SEMA6C: variants seen among roughly 807,000 people sequenced by gnomAD.
SEMA6C encodes the protein semaphorin 6C, also known as semaphorin-6C.
Under a neutral mutation model 72.9 loss-of-function variants are expected in SEMA6C, and 37 were observed. The ratio of observed to expected loss-of-function variants is 0.51; its 90% CI spans 0.39 to 0.67. The LOEUF is 0.67. SEMA6C is among the 30% of genes least tolerant of loss of function. The probability of loss-of-function intolerance (pLI) is 0.00; values close to 1 mark genes in which losing one functional copy is unlikely to be tolerated. For missense variants in SEMA6C, 1,189 were observed against 1,263.6 expected (o/e 0.94, Z 0.89); for synonymous variants, 578 against 554.1 (o/e 1.04, Z -0.61).
rs1314788856 is a variant in SEMA6C at position 151,133,203 on chromosome 1, G to A, written c.2074C>T (p.Pro692Ser). The change falls in exon 19 of 19, where the codon CCG becomes TCG. Residue 692 changes from proline (P) to serine (S), a missense_variant. Around this residue, in one of 2 missense-constraint regions of SEMA6C, gnomAD observed 721 missense variants for 686.2 expected, o/e 1.05. Coordinates refer to ENST00000368914, the MANE Select transcript of SEMA6C (RefSeq NM_030913.6). This position sits in a 1 kb window ranked among gnomAD's most constrained non-coding sequence, Gnocchi z 5.9. ...GTGGGCAGGCAGGCCAGCTCCGGCG[G>A]GGGCACGCCCTCCGGAGGCGGCAGG... ...TFLPPPEGVP[P>S]PELACLPTPE... 6.4e-7 allele frequency: 1 copy of A among 1,572,302 alleles called. No individual in the cohort carries two copies. Among genetic ancestry groups the A allele is most frequent in the Non-Finnish European group, 8.6e-7 (1 of 1,167,538 alleles).
Position 151,134,378 on chromosome 1 carries a change from G to A in SEMA6C, c.1759+23C>T, listed in dbSNP as rs766427821. 9.5e-6 allele frequency: 15 copies of A among 1,571,240 alleles called. No homozygotes were observed. The South Asian group carries it at 1.6e-4, about 17-fold the overall frequency. On this transcript the variant is annotated intron_variant, in intron 18 of 18. Coordinates refer to ENST00000368914, the MANE Select transcript of SEMA6C (RefSeq NM_030913.6). ...GTATGTGGGCTGAGCAAGGGAAGGTGAGGTTGGGACAAGAGGACTCACCAT... is the reference window on the plus strand; with the variant it reads ...GTATGTGGGCTGAGCAAGGGAAGGTAAGGTTGGGACAAGAGGACTCACCAT...
chr1:151,138,436 C>T (rs766600469), intron 7 of SEMA6C, 30 bp from the exon 8 acceptor site: 299 of 1,598,490 alleles, frequency 1.9e-4, no homozygotes, highest in Non-Finnish European at 2.5e-4. Context: ...ATGCCTGGAA[C>T]CTTTAGGGTC....
At chr1:151,138,235 G>A in intron 8 of SEMA6C, 81 bp downstream of exon 8, 1 of 1,583,288 alleles carries the variant, frequency 6.3e-7, no homozygotes, top group Non-Finnish European at 8.6e-7. Context: ...AGGGGAATGG[G>A]GGAAAGACCC....
intron 18 of SEMA6C, 93 bp downstream of exon 18, chr1:151,134,308 G>A (rs1261830792): frequency 1.6e-6 from 2 of 1,230,778 alleles, no homozygotes; most frequent in South Asian, 1.3e-5. Context: ...TACTCCCAGG[G>A]TATTCAGAAT....
At chr1:151,134,939 G>T in intron 15 of SEMA6C, 64 bp from the exon 16 acceptor site, 1 of 1,500,626 alleles carries the variant, frequency 6.7e-7, no homozygotes, top group Non-Finnish European at 9.3e-7. Context: ...CCATTCTGCT[G>T]CCTTTTCCCA....
chr1:151,137,616 G>T, intron 10 of SEMA6C, 95 bp downstream of exon 10: 1 of 1,014,214 alleles, frequency 9.9e-7, no homozygotes, highest in Non-Finnish European at 1.5e-6. Context: ...ATTGCTTTGT[G>T]GAGATTATGG....
chr1:151,132,316 A>G lies in SEMA6C; in HGVS notation c.*168T>C. On this transcript the variant is annotated 3_prime_UTR_variant, in exon 19 of 19. Transcript: ENST00000368914. ...ACTCTTCTGTCGAGGACAGGGGGAA[A>G]GACAGTCAATAAATAAACCCGAGGC... 6.5e-7 allele frequency: 1 copy of G among 1,534,946 alleles called. No individual in the cohort carries two copies. The highest frequency in any genetic ancestry group is 8.7e-7 in the Non-Finnish European group (1 of 1,142,998).
chr1:151,145,799 G>C lies in SEMA6C; in HGVS notation c.-105+634C>G, dbSNP rs1682892125. 6.6e-6 allele frequency: 1 copy of C among 152,354 alleles called. No homozygotes were observed. The highest frequency in any genetic ancestry group is 2.4e-5 in the African/African-American group (1 of 41,464). 9.4% of individuals were successfully genotyped at this position (152,354 alleles called of 1,614,324 possible). A position where few individuals can be genotyped will look rare whatever the true frequency, so the allele number is the denominator to read the frequency against. ...GAGGCCGGCGCTCAGTGGGGACCGT[G>C]GGCTCAGGAGGCAGTTGCCAGCTCG... On this transcript the variant is annotated intron_variant, in intron 1 of 18. Transcript: ENST00000368914. The surrounding 1 kb of genome is among the most constrained non-coding windows in gnomAD (Gnocchi z 4.4).
intron 13 of SEMA6C, 105 bp from the exon 14 acceptor site, chr1:151,135,869 C>T (rs770405331): frequency 8.6e-6 from 13 of 1,510,916 alleles, no homozygotes; most frequent in Non-Finnish European, 1.2e-5. Flanking sequence ...TTCCCCCAGG[C>T]CCCAGGGTTG....
intron 10 of SEMA6C, 41 bp from the exon 11 acceptor site, chr1:151,137,115 C>G (rs367572327): frequency 1.9e-6 from 3 of 1,565,058 alleles, no homozygotes; most frequent in South Asian, 2.2e-5. Flanking sequence ...GAGACAGACC[C>G]ACAGGGCCAG....
In SEMA6C at chr1:151,135,590, C is replaced by A; in HGVS notation, c.1433+1G>T. The A allele has an allele frequency of 6.2e-7, 1 of 1,609,926 alleles. No homozygotes were observed. Among genetic ancestry groups the A allele is most frequent in the Admixed American group, 1.7e-5 (1 of 59,144 alleles). On this transcript the variant is annotated splice_donor_variant, in intron 14 of 18. Coordinates refer to ENST00000368914, the MANE Select transcript of SEMA6C (RefSeq NM_030913.6). LOFTEE classifies it high-confidence loss of function. ...GGGGGCCTGCCCTCCAAAGGCCTCA[C>A]CGGGCAGGGCTGTAGGCATCAATCT...
chr1:151,134,983 C>A, intron 15 of SEMA6C, 108 bp from the exon 16 acceptor site: 3 of 1,342,156 alleles, frequency 2.2e-6, no homozygotes, highest in Non-Finnish European at 3.2e-6. Flanking sequence ...GCCTCATTCT[C>A]TCCTGTCCAC....
Position 151,136,581 on chromosome 1 carries a change from T to TGGAGGAGCCAGAAAAGATGCA in SEMA6C, c.975-23_975-3dup. On this transcript the variant is annotated splice_polypyrimidine_tract_variant and splice_region_variant and intron_variant, in intron 11 of 18. Coordinates refer to ENST00000368914, the MANE Select transcript of SEMA6C (RefSeq NM_030913.6). ...GCGCAGACGGCAGAGCCAGGGATGC[T>TGGAGGAGCCAGAAAAGATGCA]GGAGGAGCCAGAAAAGATGCAGGAT... 6.2e-7 allele frequency: 1 copy of TGGAGGAGCCAGAAAAGATGCA among 1,613,860 alleles called. No homozygotes were observed. Among genetic ancestry groups the TGGAGGAGCCAGAAAAGATGCA allele is most frequent in the Non-Finnish European group, 8.5e-7 (1 of 1,179,914 alleles).
At position 151,132,158 on chromosome 1, in the gene SEMA6C, G is replaced by T. The variant is rs1342762470; in HGVS notation, c.*326C>A. On this transcript the variant is annotated 3_prime_UTR_variant, in exon 19 of 19. Transcript: ENST00000368914. ...ACTCTGGACACAGCGCGCGCGGCCC[G>T]CCCGGGGCACAGTCTCTGGGGGAGC... The T allele has an allele frequency of 3.3e-5, 45 of 1,370,038 alleles. No homozygotes were observed. The highest frequency in any genetic ancestry group is 4.3e-5 in the Non-Finnish European group (45 of 1,044,490). The allele number at this position is 1,370,038 out of a possible 1,614,324, so 84.9% of individuals were successfully genotyped here.
chr1:151,133,278 G>C lies in SEMA6C; in HGVS notation c.1999C>G (p.Pro667Ala). The change falls in exon 19 of 19, where the codon CCC becomes GCC. Residue 667 changes from proline (P) to alanine (A), a missense_variant. Transcript: ENST00000368914. This position sits in a 1 kb window ranked among gnomAD's most constrained non-coding sequence, Gnocchi z 5.9. ...TGCACCGCGTCCCCGTCCTTGGAGG[G>C]CGGCGGGGGCTCTGGGCCCCCACCG... ...LHGGGPEPPPPSKDGDAVQTP... is the reference protein window; with the variant it reads ...LHGGGPEPPPASKDGDAVQTP... 1.3e-6 allele frequency: 2 copies of C among 1,576,740 alleles called. No individual in the cohort carries two copies. The highest frequency in any genetic ancestry group is 1.3e-5 in the African/African-American group (1 of 74,136).
At position 151,133,022 on chromosome 1, in the gene SEMA6C, G is replaced by A; in HGVS notation, c.2255C>T (p.Pro752Leu). Residue 752 changes from proline (P) to leucine (L), a missense_variant, in exon 19 of 19, where the codon CCA (proline) becomes CTA (leucine). Pro to Leu is a moderately conservative substitution (Grantham distance 98). This residue lies in a region of SEMA6C where 721 missense variants were observed against 686.2 expected (regional missense o/e 1.05). Coordinates refer to ENST00000368914, the MANE Select transcript of SEMA6C (RefSeq NM_030913.6). The surrounding 1 kb of genome is among the most constrained non-coding windows in gnomAD (Gnocchi z 5.9). ...GGPAPRVLVR[P>L]PPPGCPGQAV... ...CTGCCCGGGACAGCCGGGCGGCGGT[G>A]GCCTCACCAGCACGCGGGGCGCGGG... 2.1e-6 allele frequency: 3 copies of A among 1,404,566 alleles called. No homozygotes were observed. Among genetic ancestry groups the A allele is most frequent in the Non-Finnish European group, 2.8e-6 (3 of 1,081,006 alleles). 87.0% of individuals were successfully genotyped at this position (1,404,566 alleles called of 1,614,324 possible).
chr1:151,143,474 G>C lies in SEMA6C; in HGVS notation c.-54-799C>G, dbSNP rs188892001. Among the ~76,000 whole-genome samples, 6 of 152,286 alleles carry C rather than the reference G, an allele frequency of 3.9e-5. No homozygotes were observed. In the East Asian group the frequency reaches 7.7e-4, roughly 20 times the overall value. ...CTAAGAACCAGTGCATGTACTTGAG[G>C]GGGGAAGAGCAGACCCACCCCCTAT... is the stretch of plus-strand genomic sequence containing the variant. On this transcript the variant is annotated intron_variant, in intron 2 of 18. Coordinates refer to ENST00000368914, the MANE Select transcript of SEMA6C (RefSeq NM_030913.6).
intron 18 of SEMA6C, chr1:151,134,104 CCT>C: frequency 7.6e-7 from 1 of 1,323,404 alleles, no homozygotes; most frequent in Non-Finnish European, 1.0e-6. Flanking sequence ...GATCTCTACC[CCT>C]GACACCCTTC....
At chr1:151,139,586 C>A (rs587637840) in intron 5 of SEMA6C, 52 bp downstream of exon 5, 9 of 1,606,718 alleles carry the variant, frequency 5.6e-6, no homozygotes, top group Non-Finnish European at 6.8e-6. Context: ...CCACATTAGA[C>A]CTTTCCCAGC....
Sources: gnomAD v4.1 joint callset for allele counts (sites outside exome capture counted in the v4.1 genomes callset) on GRCh38, gnomAD v4.1.1 for gene constraint, gnomAD v4.1.1 regional missense constraint, Gnocchi (gnomAD v3.1) non-coding constraint, MANE v1.5 for transcripts, NCBI Gene and HGNC (gene_info 2026-07-23, HGNC 2026-07-21) for gene names.